CREB3L2: variants seen among roughly 807,000 people sequenced by gnomAD.
The protein encoded by CREB3L2 is cyclic AMP-responsive element-binding protein 3-like protein 2.
Under a neutral mutation model 57.2 loss-of-function variants are expected in CREB3L2, and 23 were observed. That is an observed-to-expected ratio of 0.40 (90% CI 0.29 to 0.57). The LOEUF (loss-of-function observed/expected upper bound fraction) is 0.57. Ranked by LOEUF, CREB3L2 falls within the 20% of genes least tolerant of loss-of-function variation. The pLI is 0.42. For missense variants in CREB3L2, 628 were observed against 634.7 expected, an observed-to-expected ratio of 0.99 and a Z score of 0.11; for synonymous variants, 268 against 265.1, an observed-to-expected ratio of 1.01 and a Z score of -0.11.
At position 137,995,302 on chromosome 7, in the gene CREB3L2, G is replaced by C. The variant is rs10488444; in HGVS notation, c.102+6302C>G. Among the ~76,000 whole-genome samples, 1,452 of 147,708 alleles carry C rather than the reference G, an allele frequency of 9.8e-3. 21 individuals are homozygous for C. The highest frequency in any genetic ancestry group is 0.03 in the African/African-American group (1,200 of 40,152). ...GAGGAACTGCTGAATCAGCCAACAAGGAGCTCTATTTCTTTTTTTTTCTTT... is the reference window on the plus strand; with the variant it reads ...GAGGAACTGCTGAATCAGCCAACAACGAGCTCTATTTCTTTTTTTTTCTTT... On this transcript the variant is annotated intron_variant, in intron 1 of 11. Transcript: ENST00000330387.
chr7:137,899,232 G>A lies in CREB3L2; in HGVS notation c.1043+2122C>T, dbSNP rs573320024. 2.0e-5 allele frequency among the ~76,000 whole-genome samples: 3 copies of A among 152,150 alleles called. No individual in the cohort carries two copies. In the East Asian group the frequency reaches 5.8e-4, roughly 30 times the overall value. ...ACTTCCCAGGCAAGGTAGTGGGGTC[G>A]GTCCTTCTCCCTCACACACCCGGAC... On this transcript the variant is annotated intron_variant, in intron 8 of 11. Transcript: ENST00000330387.
At chr7:137,998,946 C>T (rs1302822187) in intron 1 of CREB3L2, among the ~76,000 whole-genome samples, 1 of 152,150 alleles carries the variant, frequency 6.6e-6, no homozygotes, top group Non-Finnish European at 1.5e-5. Flanking sequence ...CATCTCTTAC[C>T]ACCCTCACAA....
intron 2 of CREB3L2, among the ~76,000 whole-genome samples, chr7:137,917,999 C>G (rs1800173593): frequency 6.6e-6 from 1 of 152,064 alleles, no homozygotes; most frequent in Admixed American, 6.6e-5. Flanking sequence ...AGACCGTGCC[C>G]CAGCTCAGCC....
At chr7:137,982,331 G>A (rs1176418808) in intron 1 of CREB3L2, among the ~76,000 whole-genome samples, 7 of 152,046 alleles carry the variant, frequency 4.6e-5, no homozygotes, top group African/African-American at 9.7e-5. Flanking sequence ...TCTGGTCACC[G>A]CCATGAGTCC....
chr7:138,000,584 T>C (rs1802056862), intron 1 of CREB3L2, among the ~76,000 whole-genome samples: 1 of 152,018 alleles, frequency 6.6e-6, no homozygotes, highest in Non-Finnish European at 1.5e-5. Context: ...CTGCAGGCCA[T>C]TTTGCGAAAG....
intron 1 of CREB3L2, among the ~76,000 whole-genome samples, chr7:137,932,157 A>AT (rs1052670439): frequency 5.3e-5 from 8 of 152,096 alleles, no homozygotes; most frequent in African/African-American, 1.9e-4. Context: ...TATCAAAAAC[A>AT]TTTTTTTAGA....
In CREB3L2 at chr7:137,879,420, T is replaced by C. The variant is rs917278393; in HGVS notation, c.*1056A>G. 1.9e-5 allele frequency: 8 copies of C among 420,734 alleles called. No homozygotes were observed. Among genetic ancestry groups the C allele is most frequent in the Non-Finnish European group, 3.6e-5 (8 of 223,334 alleles). 26.1% of individuals were successfully genotyped at this position (420,734 alleles called of 1,614,324 possible). A position where few individuals can be genotyped will look rare whatever the true frequency, so the allele number is the denominator to read the frequency against. ...CTGTTGTCAGAACAGGGCTTCCCCT[T>C]CTCTGTCATGAAAACAGGATAGAAA... is the stretch of plus-strand genomic sequence containing the variant. On this transcript the variant is annotated 3_prime_UTR_variant, in exon 12 of 12. Coordinates refer to ENST00000330387, the MANE Select transcript of CREB3L2 (RefSeq NM_194071.4).
rs1291631008 is a variant in CREB3L2 at position 137,928,843 on chromosome 7, C to A, written c.103-477G>T. 2.6e-5 allele frequency among the ~76,000 whole-genome samples: 4 copies of A among 152,112 alleles called. No homozygotes were observed. The South Asian group carries it at 8.3e-4, about 32-fold the overall frequency. ...GGCAAGGGACAAGACCAGCTCACAC[C>A]CATGGGGCGGGAAAACAGACTCCAC... On this transcript the variant is annotated intron_variant, in intron 1 of 11. Transcript: ENST00000330387.
At chr7:137,885,272 A>ACTC in intron 9 of CREB3L2, 131 bp downstream of exon 9, 1 of 1,179,542 alleles carries the variant, frequency 8.5e-7, no homozygotes, top group African/African-American at 1.5e-5. Context: ...TCACCGAGGA[A>ACTC]CAGCCTCAGA....
At chr7:137,953,508 T>C in intron 1 of CREB3L2, 1 of 1,289,060 alleles carries the variant, frequency 7.8e-7, no homozygotes, top group South Asian at 1.2e-5. Context: ...AACACACGAC[T>C]CTCCTGAAAG....
intron 1 of CREB3L2, among the ~76,000 whole-genome samples, chr7:137,988,760 C>G (rs1041525291): frequency 2.6e-5 from 4 of 152,116 alleles, no homozygotes; most frequent in African/African-American, 9.7e-5. Context: ...GGAAGGACAT[C>G]CAGAGATAGA....
At position 137,875,469 on chromosome 7, in the gene CREB3L2, A is replaced by T. The variant is rs1266946466; in HGVS notation, c.*5007T>A. ...GGATGGGAGCAGAGAACAGAGCTAA[A>T]ACCCCTGGTTTTCCTTTCCCCAGAT... On this transcript the variant is annotated 3_prime_UTR_variant, in exon 12 of 12. Transcript: ENST00000330387. 2 of 223,120 alleles carry T rather than the reference A, an allele frequency of 9.0e-6. No homozygotes were observed. The highest frequency in any genetic ancestry group is 4.5e-5 in the African/African-American group (2 of 44,772). The allele number at this position is 223,120 out of a possible 1,614,324, so 13.8% of individuals were successfully genotyped here. A position where few individuals can be genotyped will look rare whatever the true frequency, so the allele number is the denominator to read the frequency against.
At position 137,879,168 on chromosome 7, in the gene CREB3L2, T is replaced by TAAAAAAAAA; in HGVS notation, c.*1299_*1307dup. On this transcript the variant is annotated 3_prime_UTR_variant, in exon 12 of 12. Coordinates refer to ENST00000330387, the MANE Select transcript of CREB3L2 (RefSeq NM_194071.4). ...AAACTACAAAAGTTACTTTTAACCA[T>TAAAAAAAAA]AAAAAAAAAACAAAAAAACTAAAAG... 2.2e-6 allele frequency: 1 copy of TAAAAAAAAA among 445,984 alleles called. No individual in the cohort carries two copies. The highest frequency in any genetic ancestry group is 4.3e-6 in the Non-Finnish European group (1 of 231,068). The allele number at this position is 445,984 out of a possible 1,614,324, so 27.6% of individuals were successfully genotyped here.
intron 1 of CREB3L2, among the ~76,000 whole-genome samples, chr7:137,966,678 G>A (rs777035726): frequency 3.9e-5 from 6 of 152,106 alleles, no homozygotes; most frequent in Admixed American, 3.3e-4. Context: ...AAGAAAAATC[G>A]TAGGTAGAAA....
intron 8 of CREB3L2, among the ~76,000 whole-genome samples, chr7:137,888,820 G>A (rs748424128): frequency 2.0e-5 from 3 of 151,974 alleles, no homozygotes; most frequent in African/African-American, 4.8e-5. Flanking sequence ...TCCACTGGGC[G>A]CTCCTGCTGC....
intron 2 of CREB3L2, among the ~76,000 whole-genome samples, chr7:137,916,213 T>C (rs549665337): frequency 2.0e-5 from 3 of 152,302 alleles, no homozygotes; most frequent in Admixed American, 6.5e-5. Flanking sequence ...TTCGCTTGCA[T>C]GTGAGTATGC....
chr7:137,928,434 T>C lies in CREB3L2; in HGVS notation c.103-68A>G, dbSNP rs1343956810. On this transcript the variant is annotated intron_variant, in intron 1 of 11. Transcript: ENST00000330387. The stretch of plus-strand genomic sequence containing the variant: ...TAATGTGACAGATACCCTACGCACA[T>C]ACCAAATACCTCATCCACTGCTCGA... 3.6e-5 allele frequency: 43 copies of C among 1,190,574 alleles called. No homozygotes were observed. The South Asian group carries it at 4.3e-4, about 12-fold the overall frequency. The allele number at this position is 1,190,574 out of a possible 1,614,324, so 73.8% of individuals were successfully genotyped here.
chr7:137,941,618 T>A (rs551822863), intron 1 of CREB3L2, among the ~76,000 whole-genome samples: 1 of 152,276 alleles, frequency 6.6e-6, no homozygotes, highest in South Asian at 2.1e-4. Context: ...TTATCCCACA[T>A]TGCTAGCCCC....
chr7:137,995,333 CTTTT>C (rs10676214), intron 1 of CREB3L2, among the ~76,000 whole-genome samples: 3 of 87,438 alleles, frequency 3.4e-5, no homozygotes, highest in East Asian at 3.7e-4. Flanking sequence ...TCTTTTCTTT[CTTTT>C]TTTTTTTTTT....
Sources: gnomAD v4.1 joint callset for allele counts (sites outside exome capture counted in the v4.1 genomes callset) on GRCh38, gnomAD v4.1.1 for gene constraint, MANE v1.5 for transcripts, NCBI Gene and HGNC (gene_info 2026-07-23, HGNC 2026-07-21) for gene names.